Variants in LRPPRC observed in about 807,000 individuals in gnomAD.
The protein encoded by LRPPRC is leucine rich pentatricopeptide repeat containing, also known as leucine-rich PPR motif-containing protein, mitochondrial.
Under a neutral mutation model 180.3 loss-of-function variants are expected in LRPPRC, and 120 were observed. The ratio of observed to expected loss-of-function variants is 0.67; its 90% CI spans 0.57 to 0.77. The LOEUF (loss-of-function observed/expected upper bound fraction) is 0.77. Ranked by LOEUF, LRPPRC falls within the 30% of genes least tolerant of loss-of-function variation. LRPPRC has a pLI of 0.00. For synonymous variants in LRPPRC, 723 were observed against 600.0 expected, an observed-to-expected ratio of 1.21 and a Z score of -3.00; for missense variants, 2,012 against 1,657.2, an observed-to-expected ratio of 1.21 and a Z score of -3.72.
In LRPPRC at chr2:43,946,203, G is replaced by T. The variant is rs747145260; in HGVS notation, c.2120C>A (p.Ser707Tyr). The change falls in exon 21 of 38, where the codon TCC becomes TAC. Residue 707 changes from serine to tyrosine, a missense_variant. Transcript: ENST00000260665. ...TGCATAGCCACCAGTAACCATGTCG[G>T]ATTCATATTTTGCTTTCAATTCAAG... is the stretch of plus-strand genomic sequence containing the variant. ...KALELKAKYE[S>Y]DMVTGGYAAL... 1.3e-5 allele frequency: 21 copies of T among 1,611,092 alleles called. No homozygotes were observed. The highest frequency in any genetic ancestry group is 8.8e-5 in the South Asian group (8 of 91,016).
intron 31 of LRPPRC, chr2:43,902,507 T>C (rs375606870): frequency 2.0e-5 from 3 of 152,270 alleles, no homozygotes; most frequent in Admixed American, 6.5e-5. Flanking sequence ...AGTGTATTAA[T>C]TGAAGTGTAC....
chr2:43,923,098 T>C (rs751059616), intron 27 of LRPPRC, among the ~76,000 whole-genome samples: 7 of 145,780 alleles, frequency 4.8e-5, no homozygotes, highest in East Asian at 2.0e-4. Context: ...GACAAGAAAA[T>C]AGTATTAAAC....
At chr2:43,954,053 C>T (rs528042466) in intron 14 of LRPPRC, among the ~76,000 whole-genome samples, 1 of 152,172 alleles carries the variant, frequency 6.6e-6, no homozygotes, top group Non-Finnish European at 1.5e-5. Context: ...CCAAACTGAA[C>T]ACCCTCTTTT....
chr2:43,989,096 C>G (rs1293743518), intron 1 of LRPPRC, among the ~76,000 whole-genome samples: 1 of 152,148 alleles, frequency 6.6e-6, no homozygotes, highest in Non-Finnish European at 1.5e-5. Flanking sequence ...TGGTCTTGAA[C>G]TCCTGGCTTC....
At chr2:43,919,798 C>T (rs1671630393) in intron 27 of LRPPRC, among the ~76,000 whole-genome samples, 2 of 151,932 alleles carry the variant, frequency 1.3e-5, no homozygotes, top group South Asian at 4.2e-4. Context: ...CTTTAGATGT[C>T]TTTTTTTAAT....
At chr2:43,904,707 C>CAAAAAAAAAAAAAAA (rs796673288) in intron 31 of LRPPRC, 15 of 80,900 alleles carry the variant, frequency 1.9e-4, no homozygotes, top group East Asian at 1.2e-3. Flanking sequence ...AAAACAAAAA[C>CAAAAAAAAAAAAAAA]AAAAAAAAAA....
At chr2:43,978,583 T>C (rs1435080924) in intron 3 of LRPPRC, among the ~76,000 whole-genome samples, 7 of 152,120 alleles carry the variant, frequency 4.6e-5, no homozygotes, top group South Asian at 2.1e-4. Context: ...TTTTTAGAGA[T>C]TCAATATTTT....
chr2:43,930,267 G>A (rs568896246), intron 25 of LRPPRC, among the ~76,000 whole-genome samples: 134 of 151,748 alleles, frequency 8.8e-4, no homozygotes, highest in South Asian at 2.1e-3. Flanking sequence ...GAGGAATTCC[G>A]GAGAAAGGGT....
intron 1 of LRPPRC, among the ~76,000 whole-genome samples, chr2:43,983,472 A>C (rs893331326): frequency 3.9e-5 from 6 of 152,160 alleles, no homozygotes; most frequent in African/African-American, 1.4e-4. Context: ...ATATCAGATA[A>C]AAAATAATTC....
At chr2:43,980,568 AAAG>A (rs1365923587) in intron 2 of LRPPRC, among the ~76,000 whole-genome samples, 2 of 86,352 alleles carry the variant, frequency 2.3e-5, no homozygotes, top group African/African-American at 5.9e-5. Context: ...AAAAAAAAAA[AAAG>A]AAGAAAGAAA....
chr2:43,949,803 G>T (rs1437979356), intron 15 of LRPPRC, 144 bp from the exon 16 acceptor site: 11 of 674,244 alleles, frequency 1.6e-5, no homozygotes, highest in Non-Finnish European at 8.2e-6. Flanking sequence ...ACCCCCACCC[G>T]CCAAGGAGAT....
At chr2:43,931,388 G>C (rs940052962) in intron 25 of LRPPRC, among the ~76,000 whole-genome samples, 1 of 152,146 alleles carries the variant, frequency 6.6e-6, no homozygotes, top group African/African-American at 2.4e-5. Context: ...AATCAAACTA[G>C]CATTTATTAA....
At chr2:43,919,318 C>A (rs1428653636) in intron 27 of LRPPRC, among the ~76,000 whole-genome samples, 1 of 152,130 alleles carries the variant, frequency 6.6e-6, no homozygotes, top group African/African-American at 2.4e-5. Context: ...AGGTTGGGGG[C>A]TGCTGCCGTA....
intron 31 of LRPPRC, among the ~76,000 whole-genome samples, chr2:43,905,392 T>C (rs1292514892): frequency 1.3e-5 from 2 of 152,202 alleles, no homozygotes; most frequent in East Asian, 1.9e-4. Context: ...AAGCCTGTAC[T>C]TTCTCTCGTT....
intron 29 of LRPPRC, among the ~76,000 whole-genome samples, chr2:43,915,664 G>A (rs1671440850): frequency 1.3e-5 from 2 of 152,146 alleles, no homozygotes; most frequent in Non-Finnish European, 2.9e-5. Context: ...GGGTGACAGA[G>A]CAAGACTCCT....
intron 23 of LRPPRC, among the ~76,000 whole-genome samples, chr2:43,942,149 TCTC>T (rs1411299761): frequency 2.6e-5 from 4 of 152,132 alleles, no homozygotes; most frequent in Non-Finnish European, 5.9e-5. Flanking sequence ...AGCTTTCAGG[TCTC>T]CTCTGTCTTC....
rs557100519 is a variant in LRPPRC at position 43,957,426 on chromosome 2, C to A, written c.1608G>T (p.Ser536=). 2 of 1,613,100 alleles carry A rather than the reference C, an allele frequency of 1.2e-6. No individual in the cohort carries two copies. The highest frequency in any genetic ancestry group is 3.3e-5 in the Admixed American group (2 of 59,992). ...GTAGGCTACTTCTTATAGACTGCAG[C>A]GAGATGGGCAATGTATTTGATTTCA... ...SFLKSNTLPI[S]LQSIRSSLLL... Residue 536 remains serine, a synonymous_variant, in exon 14 of 38, where the codon TCG becomes TCT. Transcript: ENST00000260665.
Position 43,934,309 on chromosome 2 carries a change from G to T in LRPPRC, c.2630-13C>A. 7.8e-7 allele frequency: 1 copy of T among 1,282,874 alleles called. No homozygotes were observed. Among genetic ancestry groups the T allele is most frequent in the Non-Finnish European group, 1.1e-6 (1 of 886,744 alleles). 79.5% of individuals were successfully genotyped at this position (1,282,874 alleles called of 1,614,324 possible). ...ACAAAGTCCATTGCTAGGTAGGAGAGAAAAAAATATATATATTAGGAGAAA... is the reference window on the plus strand; with the variant it reads ...ACAAAGTCCATTGCTAGGTAGGAGATAAAAAAATATATATATTAGGAGAAA... On this transcript the variant is annotated splice_polypyrimidine_tract_variant and intron_variant, in intron 24 of 37. Coordinates refer to ENST00000260665, the MANE Select transcript of LRPPRC (RefSeq NM_133259.4).
chr2:43,940,422 C>A (rs1440094373), intron 23 of LRPPRC, among the ~76,000 whole-genome samples: 4 of 152,152 alleles, frequency 2.6e-5, no homozygotes, highest in Non-Finnish European at 5.9e-5. Flanking sequence ...AACATTGTTA[C>A]AAGTTCATCT....
Sources: gnomAD v4.1 joint callset for allele counts (sites outside exome capture counted in the v4.1 genomes callset) on GRCh38, gnomAD v4.1.1 for gene constraint, MANE v1.5 for transcripts, NCBI Gene and HGNC (gene_info 2026-07-23, HGNC 2026-07-21) for gene names.